Variants in MCTP1 observed in about 807,000 individuals in gnomAD.
MCTP1 encodes multiple C2 and transmembrane domain-containing protein 1.
MCTP1 carries 69 observed loss-of-function variants against 120.6 expected under a neutral mutation model. The ratio of observed to expected loss-of-function variants is 0.57; its 90% CI spans 0.47 to 0.70. The LOEUF (loss-of-function observed/expected upper bound fraction) is 0.70. MCTP1 is among the 30% of genes least tolerant of loss of function. MCTP1 has a pLI of 0.00. For missense variants in MCTP1, 1,203 were observed against 1,248.8 expected, an observed-to-expected ratio of 0.96 and a Z score of 0.55; for synonymous variants, 529 against 493.1, an observed-to-expected ratio of 1.07 and a Z score of -0.96.
rs1180363557 is a variant in MCTP1 at position 94,779,143 on chromosome 5, C to T, written c.2577G>A (p.Glu859=). ...QRDTVVEDML[E]DEEEEDDKDD... ...CTTTGTCATCTTCTTCTTCCTCGTC[C>T]TCTAGCATGTCCTCCACTACCTGCA... Residue 859 remains glutamate (E), a synonymous_variant, in exon 19 of 23, where the codon GAG becomes GAA. Coordinates refer to ENST00000515393, the MANE Select transcript of MCTP1 (RefSeq NM_024717.7). 2 of 1,613,684 alleles carry T rather than the reference C, an allele frequency of 1.2e-6. No homozygotes were observed. The highest frequency in any genetic ancestry group is 1.7e-5 in the Admixed American group (1 of 59,978).
chr5:94,881,624 G>A (rs293057), intron 12 of MCTP1, among the ~76,000 whole-genome samples: 111,552 of 151,936 alleles, frequency 0.73, 41,968 homozygotes, highest in Middle Eastern at 0.81. Flanking sequence ...TGTGTTGATC[G>A]TGGAAGAGTT....
At chr5:94,812,064 ACT>A (rs1783536175) in intron 17 of MCTP1, among the ~76,000 whole-genome samples, 1 of 152,184 alleles carries the variant, frequency 6.6e-6, no homozygotes. Context: ...TTCTTTGAGT[ACT>A]GTTTTAAAGA....
At position 95,062,417 on chromosome 5, in the gene MCTP1, A is replaced by AT. The variant is rs530558862; in HGVS notation, c.721-44934dup. On this transcript the variant is annotated intron_variant, in intron 1 of 22. Coordinates refer to ENST00000515393, the MANE Select transcript of MCTP1 (RefSeq NM_024717.7). ...CTCAACTCTTGGTGTCTGTATCTCTATTTTTTTTGGTTCAAGCAGCATGAA... is the reference window on the plus strand; with the variant it reads ...CTCAACTCTTGGTGTCTGTATCTCTATTTTTTTTTGGTTCAAGCAGCATGAA... 5.3e-5 allele frequency among the ~76,000 whole-genome samples: 8 copies of AT among 151,874 alleles called. No homozygotes were observed. In the East Asian group the frequency reaches 5.8e-4, roughly 11 times the overall value.
chr5:95,046,332 T>A (rs1471646320), intron 1 of MCTP1, among the ~76,000 whole-genome samples: 1 of 152,192 alleles, frequency 6.6e-6, no homozygotes, highest in East Asian at 1.9e-4. Flanking sequence ...ACTAAATGAA[T>A]GTGAAATCTG....
chr5:95,035,275 T>C (rs1841077312), intron 1 of MCTP1, among the ~76,000 whole-genome samples: 1 of 152,036 alleles, frequency 6.6e-6, no homozygotes, highest in South Asian at 2.1e-4. Context: ...CATTTATATG[T>C]TTATCACAGC....
chr5:94,710,368 C>T (rs1417760370), intron 21 of MCTP1: 1 of 153,432 alleles, frequency 6.5e-6, no homozygotes, highest in African/African-American at 2.4e-5. Context: ...ACCAAGGACC[C>T]TTTTCCCGAA....
intron 1 of MCTP1, among the ~76,000 whole-genome samples, chr5:95,146,838 A>C (rs1216063935): frequency 1.3e-5 from 2 of 152,016 alleles, no homozygotes; most frequent in Non-Finnish European, 2.9e-5. Flanking sequence ...TTGGATAAAA[A>C]CCGTGTATAT....
chr5:95,283,754 C>G, intron 1 of MCTP1, 102 bp downstream of exon 1: 1 of 911,384 alleles, frequency 1.1e-6, no homozygotes, highest in Admixed American at 4.1e-5. Flanking sequence ...CATTTCTCCT[C>G]CCGCCTCCCG....
At chr5:94,953,764 A>C (rs1406986303) in intron 2 of MCTP1, among the ~76,000 whole-genome samples, 3 of 145,938 alleles carry the variant, frequency 2.1e-5, no homozygotes, top group African/African-American at 5.0e-5. Context: ...ATATATATAT[A>C]TCAAATGCCA....
chr5:95,008,779 C>G lies in MCTP1; in HGVS notation c.838+8588G>C, dbSNP rs1383733055. On this transcript the variant is annotated intron_variant, in intron 2 of 22. Transcript: ENST00000515393. ...GGGCGATATAAGGCACAGAGACACA[C>G]AGGGTAAGGCCATACAAAGATGGAG... Among the ~76,000 whole-genome samples, 4 of 152,034 alleles carry G rather than the reference C, an allele frequency of 2.6e-5. No homozygotes were observed. In the South Asian group the frequency reaches 6.2e-4, roughly 24 times the overall value.
intron 18 of MCTP1, among the ~76,000 whole-genome samples, chr5:94,783,433 A>C (rs1249845466): frequency 1.3e-5 from 2 of 152,110 alleles, no homozygotes; most frequent in African/African-American, 4.8e-5. Flanking sequence ...ATTGTAATCC[A>C]ACACAACAAA....
At chr5:94,927,436 C>A (rs1327282466) in intron 6 of MCTP1, among the ~76,000 whole-genome samples, 1 of 151,828 alleles carries the variant, frequency 6.6e-6, no homozygotes, top group Non-Finnish European at 1.5e-5. Flanking sequence ...TCAAAAATAC[C>A]GAGCATGTAC....
intron 1 of MCTP1, among the ~76,000 whole-genome samples, chr5:95,192,013 A>G (rs1749875524): frequency 6.6e-6 from 1 of 152,006 alleles, no homozygotes; most frequent in East Asian, 1.9e-4. Flanking sequence ...TCCTAACTAT[A>G]CAGCCAATAT....
At chr5:94,764,879 A>G (rs76357133) in intron 19 of MCTP1, among the ~76,000 whole-genome samples, 4 of 151,522 alleles carry the variant, frequency 2.6e-5, no homozygotes, top group East Asian at 1.9e-4. Context: ...TTTAAACCAC[A>G]CTGTAGACCA....
chr5:94,969,499 C>G (rs1581629367), intron 2 of MCTP1, among the ~76,000 whole-genome samples: 1 of 152,056 alleles, frequency 6.6e-6, no homozygotes, highest in South Asian at 2.1e-4. Flanking sequence ...GAAACAGAAA[C>G]AGCTACTCAC....
At position 95,276,505 on chromosome 5, in the gene MCTP1, C is replaced by T. The variant is rs371949417; in HGVS notation, c.720+7351G>A. 5.7e-3 allele frequency among the ~76,000 whole-genome samples: 859 copies of T among 150,974 alleles called. 9 individuals carry two copies. The highest frequency in any genetic ancestry group is 0.029 in the South Asian group (140 of 4,792). On this transcript the variant is annotated intron_variant, in intron 1 of 22. Transcript: ENST00000515393. ...ACTCCTGACCTCAGGTGATCCGCTG[C>T]CTCGGCCTCCCAAAGTGCTGGGATT...
intron 17 of MCTP1, among the ~76,000 whole-genome samples, chr5:94,860,002 T>C (rs1795450431): frequency 6.6e-6 from 1 of 151,676 alleles, no homozygotes; most frequent in Non-Finnish European, 1.5e-5. Flanking sequence ...CTATGGAAAA[T>C]GCATTAAGAT....
At chr5:95,043,416 C>T (rs2151921148) in intron 1 of MCTP1, among the ~76,000 whole-genome samples, 1 of 152,234 alleles carries the variant, frequency 6.6e-6, no homozygotes, top group Non-Finnish European at 1.5e-5. Flanking sequence ...AGCAAGGTTT[C>T]CTCTTTCTTG....
At chr5:94,875,549 G>C (rs1297803025) in intron 12 of MCTP1, among the ~76,000 whole-genome samples, 1 of 152,016 alleles carries the variant, frequency 6.6e-6, no homozygotes, top group Non-Finnish European at 1.5e-5. Flanking sequence ...AAATAAGGTA[G>C]AGAAAGGACA....
Sources: gnomAD v4.1 joint callset for allele counts (sites outside exome capture counted in the v4.1 genomes callset) on GRCh38, gnomAD v4.1.1 for gene constraint, MANE v1.5 for transcripts, NCBI Gene and HGNC (gene_info 2026-07-23, HGNC 2026-07-21) for gene names.